Variants in REC114 observed in about 807,000 individuals in gnomAD.
The protein encoded by REC114 is REC114 meiotic recombination protein, also known as meiotic recombination protein REC114.
Under a neutral mutation model 31.3 loss-of-function variants are expected in REC114, and 27 were observed. That is an observed-to-expected ratio of 0.86 (90% confidence interval 0.64 to 1.19). REC114 has a LOEUF of 1.19. REC114 is among the 50% of genes most tolerant of loss of function. The probability of loss-of-function intolerance (pLI) is 0.00; values close to 1 mark genes in which losing one functional copy is unlikely to be tolerated. For missense variants in REC114, 344 were observed against 326.9 expected, an observed-to-expected ratio of 1.05 and a Z score of -0.40; for synonymous variants, 134 against 127.7, an observed-to-expected ratio of 1.05 and a Z score of -0.33.
At chr15:73,530,311 T>C (rs189063176) in intron 2 of REC114, among the ~76,000 whole-genome samples, 260 of 152,362 alleles carry the variant, frequency 1.7e-3, no homozygotes, top group African/African-American at 6.1e-3. Context: ...TATTCCCTTT[T>C]GTTAGCTTAA....
chr15:73,475,736 A>G (rs1893203165), intron 2 of REC114, among the ~76,000 whole-genome samples: 1 of 152,202 alleles, frequency 6.6e-6, no homozygotes, highest in Non-Finnish European at 1.5e-5. Flanking sequence ...AATGCAAATT[A>G]AAACCACCAT....
chr15:73,506,823 A>G (rs1343030862), intron 2 of REC114, among the ~76,000 whole-genome samples: 1 of 152,220 alleles, frequency 6.6e-6, no homozygotes, highest in Non-Finnish European at 1.5e-5. Context: ...TTGTGTGCTG[A>G]CATTCTGGCC....
chr15:73,538,934 C>T (rs543517144), intron 2 of REC114, among the ~76,000 whole-genome samples: 1 of 151,348 alleles, frequency 6.6e-6, no homozygotes. Flanking sequence ...TACCCTTCTC[C>T]ATGCATCACT....
At chr15:73,448,502 G>A (rs991769033) in intron 1 of REC114, among the ~76,000 whole-genome samples, 2 of 152,150 alleles carry the variant, frequency 1.3e-5, no homozygotes, top group Non-Finnish European at 2.9e-5. Flanking sequence ...GCCCAGTCAG[G>A]GACTTATAGA....
chr15:73,468,006 C>T (rs1290441383), intron 1 of REC114, among the ~76,000 whole-genome samples: 1 of 152,104 alleles, frequency 6.6e-6, no homozygotes, highest in African/African-American at 2.4e-5. Context: ...ACTCTTTCTG[C>T]CTCCCTCTTT....
intron 2 of REC114, among the ~76,000 whole-genome samples, chr15:73,486,030 T>A (rs192095225): frequency 6.6e-6 from 1 of 152,348 alleles, no homozygotes; most frequent in East Asian, 1.9e-4. Flanking sequence ...TCTTATGCAA[T>A]ACTTGCTTGC....
intron 1 of REC114, among the ~76,000 whole-genome samples, chr15:73,467,110 T>C (rs1432038521): frequency 1.3e-5 from 2 of 152,340 alleles, no homozygotes; most frequent in Middle Eastern, 3.4e-3. Flanking sequence ...AATGAACTTA[T>C]ATGTAGACAA....
intron 2 of REC114, among the ~76,000 whole-genome samples, chr15:73,504,886 G>C (rs1046214606): frequency 5.3e-5 from 8 of 151,934 alleles, no homozygotes; most frequent in Admixed American, 4.6e-4. Flanking sequence ...TTTTAATTTG[G>C]GTTAAGAAAC....
At chr15:73,486,153 G>A (rs1239887272) in intron 2 of REC114, among the ~76,000 whole-genome samples, 3 of 151,934 alleles carry the variant, frequency 2.0e-5, no homozygotes, top group Admixed American at 6.6e-5. Context: ...GCTGAAGTGC[G>A]ATGGCGCAAT....
At chr15:73,486,318 G>A (rs912712217) in intron 2 of REC114, among the ~76,000 whole-genome samples, 14 of 152,046 alleles carry the variant, frequency 9.2e-5, no homozygotes, top group Non-Finnish European at 1.3e-4. Flanking sequence ...GGCTGGTCTC[G>A]AGCTCCTGAC....
intron 2 of REC114, among the ~76,000 whole-genome samples, chr15:73,508,894 G>A (rs532971880): frequency 1.9e-4 from 29 of 150,950 alleles, no homozygotes; most frequent in South Asian, 6.4e-4. Flanking sequence ...GAATAATGCC[G>A]CAATAAACAT....
chr15:73,523,202 TA>T, intron 2 of REC114, among the ~76,000 whole-genome samples: 1 of 152,310 alleles, frequency 6.6e-6, no homozygotes, highest in South Asian at 2.1e-4. Flanking sequence ...TCAGCCGAAT[TA>T]AATTTAAAGG....
At chr15:73,462,334 T>G (rs1332088767) in intron 1 of REC114, among the ~76,000 whole-genome samples, 1 of 152,142 alleles carries the variant, frequency 6.6e-6, no homozygotes, top group East Asian at 1.9e-4. Context: ...ATAAGCAATT[T>G]TTTTTTCTCA....
intron 1 of REC114, among the ~76,000 whole-genome samples, chr15:73,461,912 T>TTTTTC (rs1567851954): frequency 1.0e-4 from 14 of 134,898 alleles, no homozygotes; most frequent in African/African-American, 2.0e-4. Context: ...TTTCTTTTTC[T>TTTTTC]TTTTCTTTTC....
intron 2 of REC114, among the ~76,000 whole-genome samples, chr15:73,496,434 A>G (rs1893526796): frequency 6.6e-6 from 1 of 151,280 alleles, no homozygotes; most frequent in Non-Finnish European, 1.5e-5. Context: ...CAAGGCGGGC[A>G]TATCACTTGA....
intron 2 of REC114, among the ~76,000 whole-genome samples, chr15:73,524,584 C>T (rs993259204): frequency 2.0e-5 from 3 of 152,030 alleles, no homozygotes; most frequent in East Asian, 1.9e-4. Flanking sequence ...CAGACAAGAA[C>T]GGAGGTTTCT....
intron 2 of REC114, among the ~76,000 whole-genome samples, chr15:73,503,922 G>T (rs1434297847): frequency 6.8e-6 from 1 of 147,432 alleles, no homozygotes; most frequent in South Asian, 2.2e-4. Flanking sequence ...TTGTATATAA[G>T]TTTTAAATTT....
chr15:73,507,916 T>G (rs1029049864), intron 2 of REC114, among the ~76,000 whole-genome samples: 15 of 152,272 alleles, frequency 9.9e-5, no homozygotes, highest in African/African-American at 3.4e-4. Flanking sequence ...AGAAAGCCAT[T>G]TCCAAGTACC....
chr15:73,553,468 G>A (rs1036331377), intron 4 of REC114, among the ~76,000 whole-genome samples: 7 of 152,114 alleles, frequency 4.6e-5, no homozygotes, highest in African/African-American at 1.4e-4. Context: ...TTCACTGCCT[G>A]TTAGATTCAG....
Sources: gnomAD v4.1 joint callset for allele counts (sites outside exome capture counted in the v4.1 genomes callset) on GRCh38, gnomAD v4.1.1 for gene constraint, MANE v1.5 for transcripts, NCBI Gene and HGNC (gene_info 2026-07-23, HGNC 2026-07-21) for gene names.